The following HERC4 variants were observed in gnomAD, a reference collection of about 807,000 sequenced individuals.
HERC4 encodes HECT and RLD domain containing E3 ubiquitin protein ligase 4.
Under a neutral mutation model 124.3 loss-of-function variants are expected in HERC4, and 28 were observed. The observed-to-expected ratio is 0.23, with a 90% CI of 0.17 to 0.31. HERC4 has a LOEUF of 0.31. Ranked by LOEUF, HERC4 falls within the 10% of genes least tolerant of loss-of-function variation. HERC4 has a pLI of 1.00. For missense variants in HERC4, 713 were observed against 1,229.3 expected (o/e 0.58, Z 6.28); for synonymous variants, 407 against 421.5 (o/e 0.97, Z 0.42).
intron 3 of HERC4, among the ~76,000 whole-genome samples, chr10:68,052,609 G>C (rs2040369924): frequency 6.6e-6 from 1 of 152,036 alleles, no homozygotes; most frequent in South Asian, 2.1e-4. Flanking sequence ...ACATAACAAA[G>C]TACTTCCTGT....
intron 7 of HERC4, among the ~76,000 whole-genome samples, chr10:68,031,740 C>T (rs2039215242): frequency 6.6e-6 from 1 of 152,060 alleles, no homozygotes; most frequent in African/African-American, 2.4e-5. Flanking sequence ...ATTTTAAAGC[C>T]TGATTAGAAG....
intron 1 of HERC4, 173 bp downstream of exon 1, chr10:68,074,971 C>G (rs1385938515): frequency 6.6e-6 from 1 of 152,472 alleles, no homozygotes; most frequent in East Asian, 1.9e-4. Flanking sequence ...TAGGGGAAGC[C>G]CAAGGTGACG....
intron 15 of HERC4, among the ~76,000 whole-genome samples, chr10:67,980,681 TAAC>T (rs1425215647): frequency 2.6e-5 from 4 of 152,050 alleles, no homozygotes; most frequent in Non-Finnish European, 5.9e-5. Flanking sequence ...CAATCAAAAA[TAAC>T]AACTACAACA....
In HERC4 at chr10:67,956,872, T is replaced by C; in HGVS notation, c.2025+6A>G. 6.6e-7 allele frequency: 1 copy of C among 1,525,512 alleles called. No individual in the cohort carries two copies. The highest frequency in any genetic ancestry group is 1.7e-4 in the Middle Eastern group (1 of 5,730). The allele number at this position is 1,525,512 out of a possible 1,614,324, so 94.5% of individuals were successfully genotyped here. A position where few individuals can be genotyped will look rare whatever the true frequency, so the allele number is the denominator to read the frequency against. ...AAAAAAAAAACCCTCTCAAATAATATTTTACCTGCATCTGTAAGACTGCAT... is the reference window on the plus strand; with the variant it reads ...AAAAAAAAAACCCTCTCAAATAATACTTTACCTGCATCTGTAAGACTGCAT... On this transcript the variant is annotated splice_donor_region_variant and intron_variant, in intron 17 of 24. Transcript: ENST00000373700.
In HERC4 at chr10:67,975,976, C is replaced by T. The variant is rs1274340252; in HGVS notation, c.1807-9174G>A. Among the ~76,000 whole-genome samples the T allele has an allele frequency of 2.6e-5, 4 of 150,974 alleles. 1 individual carries two copies. The South Asian group carries it at 6.3e-4, about 24-fold the overall frequency. On this transcript the variant is annotated intron_variant, in intron 15 of 24. Transcript: ENST00000373700. The stretch of plus-strand genomic sequence containing the variant: ...AAATTTTCATCCTAAAAGAAGGGGT[C>T]GGCAAACTACAACCTGTGGGTCAAA...
At chr10:67,961,652 G>A (rs2034529775) in intron 16 of HERC4, among the ~76,000 whole-genome samples, 1 of 152,150 alleles carries the variant, frequency 6.6e-6, no homozygotes, top group Admixed American at 6.5e-5. Context: ...GGTATCAGAA[G>A]TGAGGGCAGT....
At chr10:68,008,475 T>C (rs1169523698) in intron 9 of HERC4, among the ~76,000 whole-genome samples, 1 of 152,166 alleles carries the variant, frequency 6.6e-6, no homozygotes, top group African/African-American at 2.4e-5. Flanking sequence ...CCCAGAAATT[T>C]GAAGGCTAGG....
chr10:68,039,565 T>C (rs2039657787), intron 4 of HERC4: 1 of 1,530,804 alleles, frequency 6.5e-7, no homozygotes, highest in South Asian at 1.2e-5. Flanking sequence ...AATATTTTTA[T>C]TTAGTGAAGT....
At chr10:67,927,828 T>C (rs1241971677) in intron 23 of HERC4, among the ~76,000 whole-genome samples, 2 of 152,130 alleles carry the variant, frequency 1.3e-5, no homozygotes, top group East Asian at 1.9e-4. Context: ...CTCTCCTAGG[T>C]GCTGGGAATA....
intron 15 of HERC4, among the ~76,000 whole-genome samples, chr10:67,972,896 G>A (rs2035335950): frequency 6.6e-6 from 1 of 152,008 alleles, no homozygotes. Flanking sequence ...ACAGATAGAT[G>A]ATATTATAGA....
chr10:67,928,885 C>T (rs1413541456), intron 23 of HERC4, among the ~76,000 whole-genome samples: 1 of 151,870 alleles, frequency 6.6e-6, no homozygotes, highest in Non-Finnish European at 1.5e-5. Context: ...TGAGCCACTG[C>T]ACTCCAGCCT....
intron 3 of HERC4, among the ~76,000 whole-genome samples, chr10:68,046,692 C>T (rs1343133319): frequency 6.6e-6 from 1 of 152,134 alleles, no homozygotes; most frequent in East Asian, 1.9e-4. Context: ...ATAGTCCAGG[C>T]GAGGTAGCTC....
chr10:67,986,179 T>C (rs993237069), intron 15 of HERC4, among the ~76,000 whole-genome samples: 19 of 152,210 alleles, frequency 1.2e-4, no homozygotes, highest in Non-Finnish European at 7.3e-5. Context: ...AAAAGAGATG[T>C]TTAAGAAAGT....
intron 21 of HERC4, among the ~76,000 whole-genome samples, 159 bp from the exon 22 acceptor site, chr10:67,936,394 C>A (rs1398711594): frequency 4.5e-4 from 68 of 151,962 alleles, no homozygotes; most frequent in Admixed American, 4.5e-3. Context: ...TACTTAAAGC[C>A]AGAACTAGAA....
At position 67,945,149 on chromosome 10, in the gene HERC4, A is replaced by T. The variant is rs191218114; in HGVS notation, c.2338-4044T>A. Among the ~76,000 whole-genome samples the T allele has an allele frequency of 5.3e-5, 8 of 152,326 alleles. No individual in the cohort carries two copies. The East Asian group carries it at 1.5e-3, about 29-fold the overall frequency. Reference sequence around the variant, plus strand: ...TTAGCCCAAATAAGACTACTTCAAGATATTTAATAATCAAACTCCCAAAGG... The same window carrying T: ...TTAGCCCAAATAAGACTACTTCAAGTTATTTAATAATCAAACTCCCAAAGG... On this transcript the variant is annotated intron_variant, in intron 19 of 24. Coordinates refer to ENST00000373700, the MANE Select transcript of HERC4 (RefSeq NM_015601.4).
chr10:67,983,984 A>C (rs2036104702), intron 15 of HERC4, among the ~76,000 whole-genome samples: 1 of 151,868 alleles, frequency 6.6e-6, no homozygotes, highest in South Asian at 2.1e-4. Flanking sequence ...ACGAATACAG[A>C]AAATGTGGTA....
At chr10:67,931,744 G>A (rs1396118314) in intron 23 of HERC4, among the ~76,000 whole-genome samples, 1 of 151,954 alleles carries the variant, frequency 6.6e-6, no homozygotes, top group Admixed American at 6.6e-5. Context: ...CTTCTATCTA[G>A]CTGTGTCACA....
chr10:67,960,446 T>G (rs1300639079), intron 16 of HERC4, among the ~76,000 whole-genome samples: 2 of 152,060 alleles, frequency 1.3e-5, no homozygotes, highest in African/African-American at 4.8e-5. Context: ...AGTGCAATGG[T>G]GCAATCTCGT....
chr10:68,059,444 A>T (rs1430478476), intron 3 of HERC4, among the ~76,000 whole-genome samples: 1 of 130,846 alleles, frequency 7.6e-6, no homozygotes, highest in Non-Finnish European at 1.5e-5. Flanking sequence ...CTATTATAAT[A>T]ATATTATATA....
Sources: allele counts gnomAD v4.1 joint callset (sites outside exome capture counted in the v4.1 genomes callset), GRCh38; gene constraint gnomAD v4.1.1; transcripts MANE v1.5; gene names NCBI Gene and HGNC (gene_info 2026-07-23, HGNC 2026-07-21).